Variants in KDM4C observed in about 807,000 individuals in gnomAD.
The protein encoded by KDM4C is lysine-specific demethylase 4C.
In KDM4C, 81 loss-of-function variants were observed where a neutral mutation model predicts 129.3. The ratio of observed to expected loss-of-function variants is 0.63; its 90% CI spans 0.52 to 0.75. The LOEUF is 0.75. KDM4C is among the 30% of genes least tolerant of loss of function. KDM4C has a pLI of 0.00. For missense variants in KDM4C, 1,457 were observed against 1,304.0 expected (o/e 1.12, Z -1.81); for synonymous variants, 573 against 456.1 (o/e 1.26, Z -3.26).
At chr9:6,796,585 G>C (rs1342094142) in intron 2 of KDM4C, among the ~76,000 whole-genome samples, 1 of 152,202 alleles carries the variant, frequency 6.6e-6, no homozygotes, top group East Asian at 1.9e-4. Context: ...CATGCACACA[G>C]AGCACACCTG....
chr9:6,926,306 A>G (rs1822518230), intron 8 of KDM4C, among the ~76,000 whole-genome samples: 1 of 145,350 alleles, frequency 6.9e-6, no homozygotes, highest in South Asian at 2.3e-4. Context: ...TGTGAATAGA[A>G]ACAAGTGGAG....
intron 8 of KDM4C, chr9:6,941,659 T>C (rs1161698756): frequency 6.6e-6 from 1 of 152,008 alleles, no homozygotes; most frequent in African/African-American, 2.4e-5. Context: ...ATGTCAGATC[T>C]ATGCCACTGC....
At chr9:6,834,725 T>G in intron 4 of KDM4C, 1 of 942,036 alleles carries the variant, frequency 1.1e-6, no homozygotes, top group South Asian at 1.3e-5. Flanking sequence ...CCACACCTTC[T>G]AAAGGGAGCT....
intron 4 of KDM4C, among the ~76,000 whole-genome samples, chr9:6,834,148 G>A (rs1835424522): frequency 6.7e-6 from 1 of 149,664 alleles, no homozygotes; most frequent in Non-Finnish European, 1.5e-5. Context: ...AAGCGGTTCT[G>A]GTGCCCCAGT....
At chr9:7,099,505 C>T (rs1409433722) in intron 17 of KDM4C, among the ~76,000 whole-genome samples, 1 of 152,220 alleles carries the variant, frequency 6.6e-6, no homozygotes, top group African/African-American at 2.4e-5. Context: ...AGGATTCTCT[C>T]AGCCCTTGAC....
chr9:6,745,904 G>T (rs549421876), intron 1 of KDM4C, among the ~76,000 whole-genome samples: 1 of 152,190 alleles, frequency 6.6e-6, no homozygotes, highest in East Asian at 1.9e-4. Context: ...CTGCCTCACG[G>T]GTTCAAGTGA....
intron 15 of KDM4C, among the ~76,000 whole-genome samples, chr9:7,026,628 T>C (rs1825862670): frequency 6.6e-6 from 1 of 152,134 alleles, no homozygotes; most frequent in Non-Finnish European, 1.5e-5. Flanking sequence ...TTAATATCAT[T>C]CCCTAGGTTT....
chr9:6,756,410 G>A (rs1241011990), upstream of KDM4C, among the ~76,000 whole-genome samples: 1 of 152,146 alleles, frequency 6.6e-6, no homozygotes, highest in Non-Finnish European at 1.5e-5. Context: ...TTGAGTATAC[G>A]TTAGCCAAGT....
chr9:6,798,561 G>T (rs965972518), intron 2 of KDM4C, among the ~76,000 whole-genome samples: 2 of 152,070 alleles, frequency 1.3e-5, no homozygotes, highest in African/African-American at 4.8e-5. Flanking sequence ...TGGGGGTAAG[G>T]TCATAGATCA....
At chr9:6,829,725 G>A (rs530612079) in intron 4 of KDM4C, among the ~76,000 whole-genome samples, 1 of 152,298 alleles carries the variant, frequency 6.6e-6, no homozygotes, top group South Asian at 2.1e-4. Context: ...TCTTGGATTG[G>A]TGTCTGTTGA....
chr9:7,022,682 C>A (rs866910516), intron 15 of KDM4C, among the ~76,000 whole-genome samples: 3 of 143,506 alleles, frequency 2.1e-5, no homozygotes, highest in South Asian at 4.4e-4. Context: ...ATTTCCAGTA[C>A]TGTGTTGAAG....
intron 4 of KDM4C, chr9:6,834,537 C>T (rs943273039): frequency 9.2e-5 from 62 of 676,442 alleles, no homozygotes; most frequent in Middle Eastern, 3.8e-4. Flanking sequence ...CGATGACCCC[C>T]GGCCGTCTTC....
intron 10 of KDM4C, among the ~76,000 whole-genome samples, chr9:6,985,729 C>T (rs946288898): frequency 2.0e-5 from 3 of 152,100 alleles, no homozygotes; most frequent in African/African-American, 4.8e-5. Context: ...CTCTCTCTGT[C>T]GCCCAGGCTG....
intron 12 of KDM4C, among the ~76,000 whole-genome samples, chr9:6,996,710 C>T (rs1819822738): frequency 6.6e-6 from 1 of 152,194 alleles, no homozygotes; most frequent in Non-Finnish European, 1.5e-5. Context: ...GTATAGCTAA[C>T]ATACTTGTGC....
chr9:6,915,462 C>T (rs1402316529), intron 8 of KDM4C, among the ~76,000 whole-genome samples: 1 of 152,198 alleles, frequency 6.6e-6, no homozygotes, highest in East Asian at 1.9e-4. Context: ...TTCGGGGTTA[C>T]ATTCCATTTT....
At chr9:7,025,395 ATTGT>A (rs1447307538) in intron 15 of KDM4C, among the ~76,000 whole-genome samples, 10 of 151,860 alleles carry the variant, frequency 6.6e-5, no homozygotes, top group African/African-American at 2.2e-4. Context: ...CTGCCATTGT[ATTGT>A]TTGTCTTTTG....
chr9:6,737,939 C>T (rs1416939044), intron 1 of KDM4C, among the ~76,000 whole-genome samples: 3 of 150,532 alleles, frequency 2.0e-5, no homozygotes, highest in Non-Finnish European at 4.4e-5. Context: ...GAGTTCGGAG[C>T]CTGGCTAACG....
chr9:7,113,291 G>A (rs1838536455), intron 18 of KDM4C, among the ~76,000 whole-genome samples: 1 of 152,338 alleles, frequency 6.6e-6, no homozygotes, highest in South Asian at 2.1e-4. Context: ...GATAGAAAGT[G>A]AAGGTTAGAT....
At chr9:6,990,125 A>G (rs1818460222) in intron 11 of KDM4C, among the ~76,000 whole-genome samples, 1 of 152,152 alleles carries the variant, frequency 6.6e-6, no homozygotes, top group South Asian at 2.1e-4. Context: ...AAAACTTGTT[A>G]ACTGCTGAGC....
Sources: gnomAD v4.1 joint callset for allele counts (sites outside exome capture counted in the v4.1 genomes callset) on GRCh38, gnomAD v4.1.1 for gene constraint, MANE v1.5 for transcripts, NCBI Gene and HGNC (gene_info 2026-07-23, HGNC 2026-07-21) for gene names.